ZNF653: variants seen among roughly 807,000 people sequenced by gnomAD.
The protein encoded by ZNF653 is 67 kDa zinc finger protein.
A neutral mutation model predicts 59.9 loss-of-function variants in ZNF653; 37 were observed. That is an observed-to-expected ratio of 0.62 (90% CI 0.48 to 0.81). The LOEUF (loss-of-function observed/expected upper bound fraction) is 0.81. Among genes scored for constraint, ZNF653 ranks in the 40% least tolerant of loss-of-function variants. The pLI is 0.00. For missense variants in ZNF653, 808 were observed against 881.1 expected (o/e 0.92, Z 1.05); for synonymous variants, 435 against 371.8 (o/e 1.17, Z -1.96).
Position 11,486,998 on chromosome 19 carries a change from C to T in ZNF653, c.1332G>A (p.Lys444=). 1 of 1,614,020 alleles carries T rather than the reference C, an allele frequency of 6.2e-7. No individual in the cohort carries two copies. The highest frequency in any genetic ancestry group is 1.3e-5 in the African/African-American group (1 of 75,058). The change falls in exon 5 of 9, where the codon AAG becomes AAA. Residue 444 remains lysine (K), a synonymous_variant. Transcript: ENST00000293771. The part of the protein sequence containing the change: ...DMSAIIYEIP[K]EPEKRRRSKR... ...GCCCCGGCACCCACTTCTCAGGCTC[C>T]TTGGGGATTTCATAGATGATGGCTG...
rs1395138527 is a variant in ZNF653 at position 11,496,460 on chromosome 19, CT to C, written c.344-296del. Among the ~76,000 whole-genome samples, 5 of 152,148 alleles carry C rather than the reference CT, an allele frequency of 3.3e-5. No homozygotes were observed. The East Asian group carries it at 9.6e-4, about 29-fold the overall frequency. ...AATTGTTCTCATCTTCATCAAACGC[CT>C]AGACCAGCGCAGTCCTCAGGCCCAG... On this transcript the variant is annotated intron_variant, in intron 2 of 8. Transcript: ENST00000293771.
At chr19:11,484,959 A>G (rs1971449651) in intron 7 of ZNF653, among the ~76,000 whole-genome samples, 1 of 151,628 alleles carries the variant, frequency 6.6e-6, no homozygotes. Context: ...CTGGGGCAGA[A>G]GAATTGCTTG....
In ZNF653 at chr19:11,487,456, T is replaced by C; in HGVS notation, c.1007A>G (p.His336Arg). 6.2e-7 allele frequency: 1 copy of C among 1,612,948 alleles called. No homozygotes were observed. The highest frequency in any genetic ancestry group is 8.5e-7 in the Non-Finnish European group (1 of 1,179,958). ...GYDALTAEGI[H>R]LNMAAGSGVP... ...ACCGCTGCCTGCTGCCATGTTGAGG[T>C]GAATGCCCTCGGCCGTGAGAGCGTC... The change falls in exon 4 of 9, where the codon CAC becomes CGC. Residue 336 changes from histidine (H) to arginine (R), a missense_variant. Transcript: ENST00000293771. The surrounding 1 kb of genome is among the most constrained non-coding windows in gnomAD (Gnocchi z 5.1).
intron 3 of ZNF653, among the ~76,000 whole-genome samples, chr19:11,492,073 A>G (rs1252770704): frequency 6.6e-6 from 1 of 151,328 alleles, no homozygotes; most frequent in Non-Finnish European, 1.5e-5. Flanking sequence ...TTTGAGATGG[A>G]GTTTTGCTCG....
In ZNF653 at chr19:11,505,516, CCA is replaced by C. The variant is rs937161672; in HGVS notation, c.269_270del (p.Leu90ArgfsTer93). ...TGGCGGCCGCTCCGCTGGCCGCGCT[CCA>C]GAGAGATGAGGTAGGCGGCGAGCTT... ...DAKLAAYLIS[L>X]ERGQRSGRHG... On this transcript the variant is annotated frameshift_variant, in exon 1 of 9. Transcript: ENST00000293771. LOFTEE classifies it high-confidence loss of function. 4 of 1,509,922 alleles carry C rather than the reference CCA, an allele frequency of 2.6e-6. No homozygotes were observed. Among genetic ancestry groups the C allele is most frequent in the Non-Finnish European group, 3.5e-6 (4 of 1,141,620 alleles). The allele number at this position is 1,509,922 out of a possible 1,614,324, so 93.5% of individuals were successfully genotyped here.
chr19:11,484,027 C>T lies in ZNF653; in HGVS notation c.1670+15G>A, dbSNP rs375465116. The T allele has an allele frequency of 3.2e-6, 5 of 1,551,022 alleles. No homozygotes were observed. Among genetic ancestry groups the T allele is most frequent in the Admixed American group, 2.0e-5 (1 of 51,162 alleles). ...CACCCAATCCTCTAGCGGCACGGGG[C>T]GGCCTGTCACTCACTGCAGGGGGGT... On this transcript the variant is annotated intron_variant, in intron 8 of 8. Coordinates refer to ENST00000293771, the MANE Select transcript of ZNF653 (RefSeq NM_138783.4).
chr19:11,491,634 C>A (rs2144940340), intron 3 of ZNF653, among the ~76,000 whole-genome samples: 1 of 151,984 alleles, frequency 6.6e-6, no homozygotes, highest in Non-Finnish European at 1.5e-5. Flanking sequence ...GTCGCCCAGG[C>A]TGGAGTGCAG....
chr19:11,496,290 G>A, intron 2 of ZNF653, 125 bp from the exon 3 acceptor site: 1 of 891,064 alleles, frequency 1.1e-6, no homozygotes, highest in South Asian at 1.7e-5. Context: ...TACCATCCAG[G>A]CCTGTACCCA....
rs565356236 is a variant in ZNF653 at position 11,489,796 on chromosome 19, C to T, written c.560-1893G>A. Among the ~76,000 whole-genome samples, 9 of 152,344 alleles carry T rather than the reference C, an allele frequency of 5.9e-5. No individual in the cohort carries two copies. In the East Asian group the frequency reaches 1.3e-3, roughly 23 times the overall value. The stretch of plus-strand genomic sequence containing the variant: ...GGGGACACTCTCCTCTCTTAGCCCC[C>T]AGACCCACGCTGTGGTATCCTGGGC... On this transcript the variant is annotated intron_variant, in intron 3 of 8. Transcript: ENST00000293771.
intron 2 of ZNF653, 132 bp downstream of exon 2, chr19:11,498,164 G>T: frequency 8.4e-7 from 1 of 1,186,062 alleles, no homozygotes. Flanking sequence ...ACGCAGACCC[G>T]GGTTTGAGGT....
At chr19:11,489,622 C>A (rs1217882155) in intron 3 of ZNF653, among the ~76,000 whole-genome samples, 1 of 152,186 alleles carries the variant, frequency 6.6e-6, no homozygotes, top group Non-Finnish European at 1.5e-5. Context: ...CGGGAGCCAC[C>A]ATGCCCGGCC....
intron 6 of ZNF653, among the ~76,000 whole-genome samples, chr19:11,486,450 G>A (rs999376052): frequency 6.6e-6 from 1 of 152,254 alleles, no homozygotes; most frequent in Admixed American, 6.5e-5. Context: ...ATCAGCCTCT[G>A]TGGGCCTGGA....
rs142199640 is a variant in ZNF653, at chr19:11,487,761, G to A, written c.702C>T (p.Ser234=). 1.0e-2 allele frequency: 16,105 copies of A among 1,613,048 alleles called. 109 individuals are homozygous for A. Among genetic ancestry groups the A allele is most frequent in the Non-Finnish European group, 0.012 (14,067 of 1,179,844 alleles). ...AATPTSPVGS[S]GLITQEGVHI... ...GCACGCCCTCCTGAGTGATGAGCCC[G>A]CTGCTGCCCACCGGGCTGGTGGGCG... is the stretch of plus-strand genomic sequence containing the variant. The change falls in exon 4 of 9, where the codon AGC becomes AGT. Residue 234 remains serine, a synonymous_variant. Transcript: ENST00000293771. This position sits in a 1 kb window ranked among gnomAD's most constrained non-coding sequence, Gnocchi z 5.1.
At chr19:11,497,117 C>A (rs1487860094) in intron 2 of ZNF653, among the ~76,000 whole-genome samples, 1 of 152,232 alleles carries the variant, frequency 6.6e-6, no homozygotes, top group Non-Finnish European at 1.5e-5. Flanking sequence ...CAAGAGGCCA[C>A]TCCCTGCCCA....
intron 3 of ZNF653, among the ~76,000 whole-genome samples, chr19:11,494,003 T>G (rs144278103): frequency 4.1e-5 from 6 of 145,794 alleles, no homozygotes; most frequent in African/African-American, 1.3e-4. Flanking sequence ...TGGGCAACCG[T>G]GAGACCCTGT....
intron 3 of ZNF653, among the ~76,000 whole-genome samples, chr19:11,492,359 TA>T (rs778071810): frequency 6.2e-4 from 95 of 152,046 alleles, no homozygotes; most frequent in Non-Finnish European, 1.1e-3. Flanking sequence ...TTAATTAATT[TA>T]TTTTTTTGAG....
Position 11,483,670 on chromosome 19 carries a change from T to C in ZNF653, c.*12A>G. The C allele has an allele frequency of 6.2e-7, 1 of 1,605,748 alleles. No individual in the cohort carries two copies. The highest frequency in any genetic ancestry group is 1.7e-5 in the Admixed American group (1 of 59,824). ...CGGACGAATAAATAGGGGCGGTCAG[T>C]GGTCAGGTGGGTCAGGTGGGCTTGT... On this transcript the variant is annotated 3_prime_UTR_variant, in exon 9 of 9. Coordinates refer to ENST00000293771, the MANE Select transcript of ZNF653 (RefSeq NM_138783.4).
intron 6 of ZNF653, 46 bp downstream of exon 6, chr19:11,486,723 T>C: frequency 6.7e-7 from 1 of 1,497,030 alleles, no homozygotes; most frequent in South Asian, 1.2e-5. Flanking sequence ...TGCCATGGCC[T>C]GGGCCTTGTG....
rs1206490563 is a variant in ZNF653, at chr19:11,487,556, C to G, written c.907G>C (p.Glu303Gln). ...FENVPQEALG[E>Q]VVASCPMPGM... The stretch of plus-strand genomic sequence containing the variant: ...GGCATGGGGCAGCTGGCCACCACCT[C>G]ACCCAGGGCCTCCTGGGGCACGTTC... The change falls in exon 4 of 9, where the codon GAG becomes CAG. Residue 303 changes from glutamate (E) to glutamine (Q), a missense_variant. Glu to Gln is a conservative substitution (Grantham distance 29). Transcript: ENST00000293771. This position sits in a 1 kb window ranked among gnomAD's most constrained non-coding sequence, Gnocchi z 5.1. 1 of 1,613,838 alleles carries G rather than the reference C, an allele frequency of 6.2e-7. No individual in the cohort carries two copies. The highest frequency in any genetic ancestry group is 8.5e-7 in the Non-Finnish European group (1 of 1,179,992).
Sources: allele counts gnomAD v4.1 joint callset (sites outside exome capture counted in the v4.1 genomes callset), GRCh38; gene constraint gnomAD v4.1.1; non-coding constraint Gnocchi (gnomAD v3.1); transcripts MANE v1.5; gene names NCBI Gene and HGNC (gene_info 2026-07-23, HGNC 2026-07-21).